The following ZNF320 variants were observed in gnomAD, a reference collection of about 807,000 sequenced individuals.
ZNF320 encodes the protein zinc finger gene 320.
In ZNF320, 2 loss-of-function variants were observed where a neutral mutation model predicts 6.8. The ratio of observed to expected loss-of-function variants is 0.29; its 90% confidence interval spans 0.12 to 0.93. ZNF320 has a LOEUF of 0.93. ZNF320 is among the 40% of genes least tolerant of loss of function. ZNF320 has a pLI of 0.55. For synonymous variants in ZNF320, 208 were observed against 203.2 expected (o/e 1.02, Z -0.20); for missense variants, 472 against 611.0 (o/e 0.77, Z 2.40).
At chr19:52,887,179 C>A (rs2064119193) in intron 5 of ZNF320, among the ~76,000 whole-genome samples, 2 of 152,106 alleles carry the variant, frequency 1.3e-5, no homozygotes, top group Non-Finnish European at 2.9e-5. Flanking sequence ...GAAGGTGGAG[C>A]TTCCACTCTG....
chr19:52,869,717 T>A (rs2063645474), intron 5 of ZNF320, among the ~76,000 whole-genome samples: 1 of 151,744 alleles, frequency 6.6e-6, no homozygotes, highest in Admixed American at 6.6e-5. Flanking sequence ...TTCTATTTAT[T>A]TATTTATGTA....
upstream of ZNF320, among the ~76,000 whole-genome samples, chr19:52,898,866 G>C (rs1238970013): frequency 1.3e-5 from 2 of 151,898 alleles, no homozygotes; most frequent in African/African-American, 4.9e-5. Context: ...ACTGGGTTTA[G>C]GCCAGGCAGG....
At position 52,865,599 on chromosome 19, in the gene ZNF320, ATATATGAGATTATACATATATATT is replaced by A. The variant is rs1568693053; in HGVS notation, c.224-1464_224-1441del. On this transcript the variant is annotated intron_variant, in intron 5 of 5. Coordinates refer to the ZNF320 transcript ENST00000673631. The stretch of plus-strand genomic sequence containing the variant: ...TATTTATATGATTATACATATATTT[ATATATGAGATTATACATATATATT>A]TATATATGATTATACATATATATTT... Among the ~76,000 whole-genome samples, 33 of 126,206 alleles carry A rather than the reference ATATATGAGATTATACATATATATT, an allele frequency of 2.6e-4. 1 individual carries two copies. Among genetic ancestry groups the A allele is most frequent in the Non-Finnish European group, 4.6e-4 (29 of 63,646 alleles). The allele number at this position is 126,206 out of a possible 152,430, so 82.8% of individuals were successfully genotyped here. A position where few individuals can be genotyped will look rare whatever the true frequency, so the allele number is the denominator to read the frequency against.
In ZNF320 at chr19:52,879,698, G is replaced by A. The variant is rs984055201; in HGVS notation, c.*898C>T. The A allele has an allele frequency of 6.6e-6, 1 of 152,074 alleles. No individual in the cohort carries two copies. The highest frequency in any genetic ancestry group is 2.4e-5 in the African/African-American group (1 of 41,410). 9.4% of individuals were successfully genotyped at this position (152,074 alleles called of 1,614,324 possible). A position where few individuals can be genotyped will look rare whatever the true frequency, so the allele number is the denominator to read the frequency against. On this transcript the variant is annotated 3_prime_UTR_variant, in exon 6 of 6. Transcript: ENST00000682928. ...GATCTTCTGTGTAGAAAATCACAAA[G>A]AGTCAACCAAAATGCAACTGGAACT...
intron 2 of ZNF320, among the ~76,000 whole-genome samples, chr19:52,891,599 T>C (rs775345931): frequency 3.3e-5 from 5 of 151,962 alleles, no homozygotes; most frequent in Non-Finnish European, 7.4e-5. Context: ...TAAGCAAATG[T>C]GACTGGGGCG....
chr19:52,889,391 G>A (rs2064212388), intron 4 of ZNF320, among the ~76,000 whole-genome samples: 2 of 152,046 alleles, frequency 1.3e-5, no homozygotes, highest in African/African-American at 4.8e-5. Context: ...GGCAGAGGGT[G>A]CAGTAAGCCA....
At chr19:52,904,293 A>G in the ZNF320 span, 1 of 152,222 alleles carries the variant, frequency 6.6e-6, no homozygotes, top group African/African-American at 2.4e-5. Context: ...GGGATGCTCC[A>G]CAGGGCAGGC....
In ZNF320 at chr19:52,870,712, G is replaced by A. The variant is rs1421566919; in HGVS notation, c.223+3280C>T. Among the ~76,000 whole-genome samples the A allele has an allele frequency of 4.6e-5, 7 of 151,934 alleles. No individual in the cohort carries two copies. The East Asian group carries it at 1.4e-3, about 29-fold the overall frequency. ...ATCCAGGAGGCAGAGGCTACAGTGAGCCTAAATCTCACTACTGTACTCCAG... is the reference window on the plus strand; with the variant it reads ...ATCCAGGAGGCAGAGGCTACAGTGAACCTAAATCTCACTACTGTACTCCAG... On this transcript the variant is annotated intron_variant, in intron 5 of 5. Coordinates refer to the ZNF320 transcript ENST00000673631.
upstream of ZNF320, among the ~76,000 whole-genome samples, chr19:52,898,393 C>T (rs549508195): frequency 1.3e-5 from 2 of 152,142 alleles, no homozygotes; most frequent in African/African-American, 4.8e-5. Flanking sequence ...AAGCAGGAGC[C>T]GCAAGACCGC....
At chr19:52,861,077 G>T (rs2063484726) in exon 6 of ZNF320, among the ~76,000 whole-genome samples, 1 of 152,116 alleles carries the variant, frequency 6.6e-6, no homozygotes. Flanking sequence ...AAATAAAATT[G>T]TATTTGTTTG....
chr19:52,870,471 C>T, intron 5 of ZNF320, among the ~76,000 whole-genome samples: 1 of 100,572 alleles, frequency 9.9e-6, no homozygotes, highest in South Asian at 4.3e-4. Context: ...GAGCCAGACT[C>T]CGTCTCAAAA....
chr19:52,874,724 G>A (rs1306296550), downstream of ZNF320, among the ~76,000 whole-genome samples: 1 of 152,154 alleles, frequency 6.6e-6, no homozygotes, highest in Non-Finnish European at 1.5e-5. Flanking sequence ...AGGTGGGGGT[G>A]AAGGTGGGGC....
chr19:52,860,689 A>C (rs1234742713), downstream of ZNF320, among the ~76,000 whole-genome samples: 17 of 152,136 alleles, frequency 1.1e-4, no homozygotes, highest in Admixed American at 1.1e-3. Context: ...TTAGAAGCAT[A>C]GATTGTCATG....
chr19:52,867,371 T>C (rs528931329), intron 5 of ZNF320, among the ~76,000 whole-genome samples: 1 of 152,010 alleles, frequency 6.6e-6, no homozygotes, highest in South Asian at 2.1e-4. Flanking sequence ...CTAATATTTG[T>C]ATTTTTAGTA....
chr19:52,869,409 G>A (rs1223955898), intron 5 of ZNF320, among the ~76,000 whole-genome samples: 1 of 152,202 alleles, frequency 6.6e-6, no homozygotes, highest in Non-Finnish European at 1.5e-5. Flanking sequence ...TATGAGGAGT[G>A]CAGCAGCGAA....
downstream of ZNF320, among the ~76,000 whole-genome samples, chr19:52,860,128 G>A (rs2063478862): frequency 6.6e-6 from 1 of 152,008 alleles, no homozygotes; most frequent in Non-Finnish European, 1.5e-5. Context: ...TAGCCAGGAT[G>A]GTCTCGATCT....
At chr19:52,887,002 G>GAAGGAAGC (rs1555821383) in intron 5 of ZNF320, among the ~76,000 whole-genome samples, 1 of 78,604 alleles carries the variant, frequency 1.3e-5, no homozygotes, top group Non-Finnish European at 3.0e-5. Context: ...AGGAAGGAAG[G>GAAGGAAGC]AAGGAAAAGA....
intron 1 of ZNF320, among the ~76,000 whole-genome samples, chr19:52,896,327 G>A (rs531227876): frequency 1.3e-5 from 2 of 152,330 alleles, no homozygotes; most frequent in African/African-American, 4.8e-5. Flanking sequence ...CTGACCTCAG[G>A]TGATCTGCCC....
intron 5 of ZNF320, among the ~76,000 whole-genome samples, chr19:52,870,476 T>G: frequency 3.4e-5 from 1 of 29,222 alleles, no homozygotes; most frequent in Non-Finnish European, 8.2e-5. Flanking sequence ...AGACTCCGTC[T>G]CAAAAAAAAA....
Sources: gnomAD v4.1 joint callset for allele counts (sites outside exome capture counted in the v4.1 genomes callset) on GRCh38, gnomAD v4.1.1 for gene constraint, MANE v1.5 for transcripts, NCBI Gene and HGNC (gene_info 2026-07-23, HGNC 2026-07-21) for gene names.